CERK: variants seen among roughly 807,000 people sequenced by gnomAD.
The protein encoded by CERK is ceramide kinase.
CERK carries 39 observed loss-of-function variants against 63.4 expected under a neutral mutation model. The ratio of observed to expected loss-of-function variants is 0.61; its 90% CI spans 0.48 to 0.80. The LOEUF (loss-of-function observed/expected upper bound fraction) is 0.80, where lower values mean the gene tolerates loss of function less well. Ranked by LOEUF, CERK falls within the 30% of genes least tolerant of loss-of-function variation. CERK has a pLI of 0.00. For missense variants in CERK, 670 were observed against 714.1 expected (o/e 0.94, Z 0.70); for synonymous variants, 302 against 280.0 (o/e 1.08, Z -0.78).
chr22:46,699,385 C>A lies in CERK; in HGVS notation c.871G>T (p.Gly291Cys), dbSNP rs755923506. 8.7e-6 allele frequency: 14 copies of A among 1,614,004 alleles called. No individual in the cohort carries two copies. The highest frequency in any genetic ancestry group is 1.2e-5 in the Non-Finnish European group (14 of 1,179,964). The stretch of plus-strand genomic sequence containing the variant: ...TCCTTGATGATGTCCCCGTAGAAGC[C>A]GTAGCCCAGCAGGGACACGGAGTAG... Reference protein sequence around the residue: ...LRYSVSLLGYGFYGDIIKDSE... With the variant: ...LRYSVSLLGYCFYGDIIKDSE... The change falls in exon 8 of 13, where the codon GGC becomes TGC. Residue 291 changes from glycine to cysteine, a missense_variant. Transcript: ENST00000216264.
intron 5 of CERK, 150 bp downstream of exon 5, chr22:46,710,936 G>GC (rs1243981711): frequency 1.7e-5 from 11 of 628,774 alleles, no homozygotes; most frequent in Non-Finnish European, 3.1e-5. Context: ...TTTCTTTCTT[G>GC]CCTTCCTGTA....
In CERK at chr22:46,686,990, C is replaced by A; in HGVS notation, c.*144G>T. 1 of 755,242 alleles carries A rather than the reference C, an allele frequency of 1.3e-6. No individual in the cohort carries two copies. The highest frequency in any genetic ancestry group is 2.7e-5 in the East Asian group (1 of 36,644). The allele number at this position is 755,242 out of a possible 1,614,324, so 46.8% of individuals were successfully genotyped here. On this transcript the variant is annotated 3_prime_UTR_variant, in exon 13 of 13. Transcript: ENST00000216264. ...CCAAATATGTACACAAAATTGTTGACAAAAGGGTTTTCTTCTAAAATCAAG... is the reference window on the plus strand; with the variant it reads ...CCAAATATGTACACAAAATTGTTGAAAAAAGGGTTTTCTTCTAAAATCAAG...
chr22:46,727,179 T>C (rs1450090282), intron 1 of CERK, among the ~76,000 whole-genome samples: 1 of 152,182 alleles, frequency 6.6e-6, no homozygotes, highest in East Asian at 1.9e-4. Flanking sequence ...GAGTTCATGA[T>C]GCTGGGATAA....
chr22:46,732,708 A>G (rs992560066), intron 1 of CERK, among the ~76,000 whole-genome samples: 6 of 151,894 alleles, frequency 4.0e-5, no homozygotes, highest in Non-Finnish European at 7.4e-5. Context: ...CTTCCCCAGC[A>G]CAGAGCTGTG....
chr22:46,688,727 C>T (rs1014478673), intron 12 of CERK, among the ~76,000 whole-genome samples: 3 of 152,388 alleles, frequency 2.0e-5, no homozygotes, highest in Admixed American at 6.5e-5. Context: ...ACCCAGCTTT[C>T]GTTGCAGACA....
At chr22:46,693,797 C>T (rs913022432) in intron 9 of CERK, 2 of 388,502 alleles carry the variant, frequency 5.1e-6, no homozygotes, top group East Asian at 1.2e-4. Context: ...GCTAACATAG[C>T]CTGGCTGGGA....
At chr22:46,711,869 C>T (rs2082842705) in intron 4 of CERK, among the ~76,000 whole-genome samples, 1 of 152,218 alleles carries the variant, frequency 6.6e-6, no homozygotes, top group Non-Finnish European at 1.5e-5. Context: ...GGCAACATTG[C>T]TTGAGCCCAG....
chr22:46,720,159 C>T lies in CERK; in HGVS notation c.306G>A (p.Val102=). ...ARRHRWKWAQ[V]TFWCPEEQLC... ...GCTGCTCCTCTGGACACCAGAAAGT[C>T]ACCTGCGCCCACTTCCAGCGGTGCC... Residue 102 remains valine (V), a synonymous_variant, in exon 3 of 13, where the codon GTG becomes GTA. Coordinates refer to ENST00000216264, the MANE Select transcript of CERK (RefSeq NM_022766.6). The T allele has an allele frequency of 6.2e-7, 1 of 1,614,122 alleles. No individual in the cohort carries two copies. The highest frequency in any genetic ancestry group is 8.5e-7 in the Non-Finnish European group (1 of 1,180,036).
At chr22:46,736,085 G>A (rs910620089) in intron 1 of CERK, among the ~76,000 whole-genome samples, 4 of 152,330 alleles carry the variant, frequency 2.6e-5, no homozygotes, top group Middle Eastern at 3.4e-3. Flanking sequence ...CTCTCCAAGA[G>A]GGACCAAGCT....
At position 46,720,144 on chromosome 22, in the gene CERK, T is replaced by C. The variant is rs144620781; in HGVS notation, c.321A>G (p.Pro107=). 4 of 1,614,146 alleles carry C rather than the reference T, an allele frequency of 2.5e-6. No individual in the cohort carries two copies. Among genetic ancestry groups the C allele is most frequent in the South Asian group, 1.1e-5 (1 of 91,084 alleles). ...WKWAQVTFWC[P]EEQLCHLWLQ... ...GCCACAAGTGACACAGCTGCTCCTC[T>C]GGACACCAGAAAGTCACCTGCGCCC... is the stretch of plus-strand genomic sequence containing the variant. Residue 107 remains proline, a synonymous_variant, in exon 3 of 13, where the codon CCA becomes CCG. Transcript: ENST00000216264.
chr22:46,688,758 CCTG>C (rs1170322230), intron 12 of CERK, among the ~76,000 whole-genome samples: 7 of 152,248 alleles, frequency 4.6e-5, no homozygotes, highest in Admixed American at 2.0e-4. Context: ...TGCTGACCAG[CCTG>C]CTATCGCTCT....
intron 9 of CERK, among the ~76,000 whole-genome samples, chr22:46,694,143 G>A (rs912881912): frequency 6.6e-6 from 1 of 152,110 alleles, no homozygotes; most frequent in Non-Finnish European, 1.5e-5. Context: ...GCTAGAAGGA[G>A]GTTCTGAAGT....
At position 46,685,557 on chromosome 22, in the gene CERK, C is replaced by A. The variant is rs2082695992; in HGVS notation, c.*1577G>T. On this transcript the variant is annotated 3_prime_UTR_variant, in exon 13 of 13. Coordinates refer to ENST00000216264, the MANE Select transcript of CERK (RefSeq NM_022766.6). ...TCTGGAAGAGCAGCCCGTCTTAAAT[C>A]TTTGGTTTCTTTCCAACCAGGAGCA... 1.3e-5 allele frequency: 2 copies of A among 152,240 alleles called. No individual in the cohort carries two copies. The highest frequency in any genetic ancestry group is 4.8e-5 in the African/African-American group (2 of 41,460). The allele number at this position is 152,240 out of a possible 1,614,324, so 9.4% of individuals were successfully genotyped here. A position where few individuals can be genotyped will look rare whatever the true frequency, so the allele number is the denominator to read the frequency against.
At chr22:46,718,910 C>T (rs2082878693) in intron 3 of CERK, among the ~76,000 whole-genome samples, 1 of 151,556 alleles carries the variant, frequency 6.6e-6, no homozygotes, top group Non-Finnish European at 1.5e-5. Context: ...CCTGTCTGTA[C>T]AAAAAAAATT....
Position 46,724,764 on chromosome 22 carries a change from A to G in CERK, c.143-3749T>C, listed in dbSNP as rs1158018211. 2.0e-5 allele frequency among the ~76,000 whole-genome samples: 3 copies of G among 152,130 alleles called. 1 individual carries two copies. The highest frequency in any genetic ancestry group is 4.1e-4 in the South Asian group (2 of 4,826). Reference sequence around the variant, plus strand: ...GCAGGGCGGGGTGGCTCACACCTGTAATCCCTGCACTTTGGGAGGCTAAGG... The same window carrying G: ...GCAGGGCGGGGTGGCTCACACCTGTGATCCCTGCACTTTGGGAGGCTAAGG... On this transcript the variant is annotated intron_variant, in intron 1 of 12. Coordinates refer to ENST00000216264, the MANE Select transcript of CERK (RefSeq NM_022766.6).
intron 5 of CERK, among the ~76,000 whole-genome samples, chr22:46,709,493 T>G (rs2082830019): frequency 6.6e-6 from 1 of 152,156 alleles, no homozygotes; most frequent in Non-Finnish European, 1.5e-5. Flanking sequence ...ACTCCCGCAT[T>G]AGGAGGGGAG....
chr22:46,722,785 G>A (rs1381711246), intron 1 of CERK, among the ~76,000 whole-genome samples: 3 of 152,094 alleles, frequency 2.0e-5, no homozygotes, highest in Non-Finnish European at 4.4e-5. Flanking sequence ...AGGCCGTGCC[G>A]TGCCAGGGGT....
chr22:46,692,402 G>C (rs1465865357), intron 10 of CERK, among the ~76,000 whole-genome samples: 1 of 144,920 alleles, frequency 6.9e-6, no homozygotes, highest in Non-Finnish European at 1.5e-5. Flanking sequence ...CTCCAGACTG[G>C]GCAACAAGAG....
At chr22:46,716,582 TAATA>T (rs2082867613) in intron 3 of CERK, among the ~76,000 whole-genome samples, 1 of 151,710 alleles carries the variant, frequency 6.6e-6, no homozygotes, top group Admixed American at 6.6e-5. Context: ...TTTATGTAAT[TAATA>T]AATTCAATAA....
Sources: gnomAD v4.1 joint callset for allele counts (sites outside exome capture counted in the v4.1 genomes callset) on GRCh38, gnomAD v4.1.1 for gene constraint, MANE v1.5 for transcripts, NCBI Gene and HGNC (gene_info 2026-07-23, HGNC 2026-07-21) for gene names.